Variants in ZDHHC13 observed in about 807,000 individuals in gnomAD.
ZDHHC13 encodes the protein palmitoyltransferase ZDHHC13.
A neutral mutation model predicts 86.0 loss-of-function variants in ZDHHC13; 85 were observed. The ratio of observed to expected loss-of-function variants is 0.99; its 90% CI spans 0.83 to 1.18. The LOEUF is 1.18. Ranked by LOEUF, ZDHHC13 falls within the 50% of genes most tolerant of loss-of-function variation. The probability of loss-of-function intolerance (pLI) is 0.00; values close to 1 mark genes in which losing one functional copy is unlikely to be tolerated. For missense variants in ZDHHC13, 711 were observed against 730.2 expected, an observed-to-expected ratio of 0.97 and a Z score of 0.30; for synonymous variants, 263 against 246.4, an observed-to-expected ratio of 1.07 and a Z score of -0.63.
intron 15 of ZDHHC13, among the ~76,000 whole-genome samples, chr11:19,171,473 AAAAG>A (rs912350835): frequency 3.9e-5 from 6 of 152,200 alleles, no homozygotes; most frequent in South Asian, 4.1e-4. Context: ...AAGGGAGGGA[AAAAG>A]AAAGAAAGAG....
chr11:19,172,677 A>G, intron 15 of ZDHHC13, 46 bp from the exon 16 acceptor site: 1 of 1,450,452 alleles, frequency 6.9e-7, no homozygotes, highest in Non-Finnish European at 9.3e-7. Flanking sequence ...TATTTATCTA[A>G]AAGTTGCACA....
At chr11:19,170,320 C>G in intron 14 of ZDHHC13, 91 bp from the exon 15 acceptor site, 4 of 1,464,332 alleles carry the variant, frequency 2.7e-6, no homozygotes, top group Non-Finnish European at 3.6e-6. Context: ...TCTCTTCTCC[C>G]TATATAGAAC....
At chr11:19,120,314 T>TGA (rs1848736152) in intron 1 of ZDHHC13, among the ~76,000 whole-genome samples, 1 of 152,212 alleles carries the variant, frequency 6.6e-6, no homozygotes. Context: ...GGAGATGAAT[T>TGA]GAGAGCTGGG....
intron 2 of ZDHHC13, among the ~76,000 whole-genome samples, chr11:19,144,462 TG>T (rs1849404008): frequency 6.6e-6 from 1 of 150,802 alleles, no homozygotes; most frequent in Non-Finnish European, 1.5e-5. Context: ...TGTGTGTGTG[TG>T]TGTTTTCTAA....
intron 8 of ZDHHC13, among the ~76,000 whole-genome samples, chr11:19,154,910 C>T (rs1849715410): frequency 6.6e-6 from 1 of 152,188 alleles, no homozygotes; most frequent in Admixed American, 6.5e-5. Flanking sequence ...TCACTCACGG[C>T]TTTACCACCT....
rs199732141 is a variant in ZDHHC13, at chr11:19,131,696, G to T, written c.28-11282G>T. Among the ~76,000 whole-genome samples, 17 of 152,050 alleles carry T rather than the reference G, an allele frequency of 1.1e-4. No homozygotes were observed. In the East Asian group the frequency reaches 3.3e-3, roughly 29 times the overall value. ...CTGGTGCCCAGGCTGGTGTGCAGTG[G>T]TGTGATCTTGGCTCACTGCAACTGC... On this transcript the variant is annotated intron_variant, in intron 1 of 16. Transcript: ENST00000446113.
chr11:19,165,996 C>A (rs1278451328), intron 13 of ZDHHC13, among the ~76,000 whole-genome samples: 1 of 152,208 alleles, frequency 6.6e-6, no homozygotes, highest in Non-Finnish European at 1.5e-5. Flanking sequence ...CTGCCTGCTT[C>A]TCTTCCTTCC....
intron 1 of ZDHHC13, among the ~76,000 whole-genome samples, chr11:19,135,707 A>T (rs1849118668): frequency 1.3e-5 from 2 of 152,256 alleles, no homozygotes; most frequent in Non-Finnish European, 2.9e-5. Context: ...TGGTTCTCCC[A>T]GCATGCAGCT....
chr11:19,172,084 A>T (rs183087047), intron 15 of ZDHHC13, among the ~76,000 whole-genome samples: 10 of 152,092 alleles, frequency 6.6e-5, no homozygotes, highest in Admixed American at 1.3e-4. Context: ...TTATTTATTT[A>T]TTTTTTGAGA....
intron 2 of ZDHHC13, among the ~76,000 whole-genome samples, chr11:19,143,443 A>G (rs907540112): frequency 2.6e-5 from 4 of 152,274 alleles, no homozygotes; most frequent in African/African-American, 9.6e-5. Flanking sequence ...GGATGATTTT[A>G]AATGACACTA....
At chr11:19,124,893 T>G (rs1031615509) in intron 1 of ZDHHC13, among the ~76,000 whole-genome samples, 1 of 152,146 alleles carries the variant, frequency 6.6e-6, no homozygotes, top group Non-Finnish European at 1.5e-5. Flanking sequence ...TTCTCTCTGA[T>G]TTGCCCCCAG....
At chr11:19,163,191 C>A in intron 10 of ZDHHC13, 112 bp from the exon 11 acceptor site, 1 of 1,103,588 alleles carries the variant, frequency 9.1e-7, no homozygotes. Flanking sequence ...GGGGCAGGGA[C>A]ATGTGTGCAT....
At chr11:19,175,453 G>T in intron 16 of ZDHHC13, among the ~76,000 whole-genome samples, 1 of 139,876 alleles carries the variant, frequency 7.1e-6, no homozygotes, top group Admixed American at 7.6e-5. Context: ...GATTACAGTT[G>T]TTCTGGCCTA....
chr11:19,142,464 A>G (rs1292900881), intron 1 of ZDHHC13, among the ~76,000 whole-genome samples: 1 of 152,120 alleles, frequency 6.6e-6, no homozygotes, highest in African/African-American at 2.4e-5. Context: ...GCTCAAGAGG[A>G]AGGAATTATA....
Position 19,175,926 on chromosome 11 carries a change from AC to A in ZDHHC13, c.1838del (p.Pro613GlnfsTer32). On this transcript the variant is annotated frameshift_variant, in exon 17 of 17. Coordinates refer to ENST00000446113, the MANE Select transcript of ZDHHC13 (RefSeq NM_019028.3). LOFTEE classifies it high-confidence loss of function. ...ACATCACAGTACACCATGGTCTTTCACCCAGCCAGGGAGAAGGTTCTTCGCT... is the reference window on the plus strand; with the variant it reads ...ACATCACAGTACACCATGGTCTTTCACCAGCCAGGGAGAAGGTTCTTCGCT... ...DWTSQYTMVF[H>X]PAREKVLRSV The A allele has an allele frequency of 6.2e-7, 1 of 1,611,592 alleles. No homozygotes were observed. The highest frequency in any genetic ancestry group is 2.2e-5 in the East Asian group (1 of 44,806).
At chr11:19,131,220 A>T (rs1848993592) in intron 1 of ZDHHC13, among the ~76,000 whole-genome samples, 1 of 152,116 alleles carries the variant, frequency 6.6e-6, no homozygotes, top group Non-Finnish European at 1.5e-5. Context: ...GGGTTTCACC[A>T]TATTGGCCAG....
Position 19,146,308 on chromosome 11 carries a change from G to A in ZDHHC13, c.296+5G>A, listed in dbSNP as rs756472770. 3.7e-6 allele frequency: 6 copies of A among 1,606,240 alleles called. No individual in the cohort carries two copies. In the East Asian group the frequency reaches 1.3e-4, roughly 36 times the overall value. Reference sequence around the variant, plus strand: ...CAACAGACTGGATCTTGTAAAGTAAGATGGGATATGTGTGTTAATTGTGTA... The same window carrying A: ...CAACAGACTGGATCTTGTAAAGTAAAATGGGATATGTGTGTTAATTGTGTA... On this transcript the variant is annotated splice_donor_5th_base_variant and intron_variant, in intron 3 of 16. Coordinates refer to ENST00000446113, the MANE Select transcript of ZDHHC13 (RefSeq NM_019028.3).
chr11:19,152,585 A>C lies in ZDHHC13; in HGVS notation c.774A>C (p.Leu258=), dbSNP rs768829190. ...VKGETPLDMA[L]QNKNQLIIHM... ...GAGAAACACCTCTTGATATGGCTCTACAAAACAAAAATCAGCTCATTATTC... is the reference window on the plus strand; with the variant it reads ...GAGAAACACCTCTTGATATGGCTCTCCAAAACAAAAATCAGCTCATTATTC... The change falls in exon 8 of 17, where the codon CTA becomes CTC. Residue 258 remains leucine, a synonymous_variant. Transcript: ENST00000446113. 19 of 1,612,842 alleles carry C rather than the reference A, an allele frequency of 1.2e-5. No homozygotes were observed. In the Middle Eastern group the frequency reaches 6.6e-4, roughly 56 times the overall value.
chr11:19,164,264 T>TA, intron 11 of ZDHHC13, 37 bp from the exon 12 acceptor site: 2 of 1,601,666 alleles, frequency 1.2e-6, no homozygotes, highest in Non-Finnish European at 1.7e-6. Context: ...CATTTTCCAA[T>TA]AAAATGTGGT....
Sources: gnomAD v4.1 joint callset for allele counts (sites outside exome capture counted in the v4.1 genomes callset) on GRCh38, gnomAD v4.1.1 for gene constraint, MANE v1.5 for transcripts, NCBI Gene and HGNC (gene_info 2026-07-23, HGNC 2026-07-21) for gene names.